The following COMT variants were observed in gnomAD, a reference collection of about 807,000 sequenced individuals.
COMT encodes the protein catechol-O-methyltransferase.
COMT carries 13 observed loss-of-function variants against 18.9 expected under a neutral mutation model. The ratio of observed to expected loss-of-function variants is 0.69; its 90% CI spans 0.45 to 1.09. The LOEUF is 1.09. Among genes scored for constraint, COMT ranks in the 50% least tolerant of loss-of-function variants. The pLI, the probability that COMT is intolerant of heterozygous loss-of-function variation, is 0.00. For missense variants in COMT, 329 were observed against 361.8 expected (o/e 0.91, Z 0.73); for synonymous variants, 150 against 160.9 (o/e 0.93, Z 0.51).
intron 1 of COMT, among the ~76,000 whole-genome samples, chr22:19,960,014 GCTTCGGGC>G (rs1301111706): frequency 1.3e-5 from 2 of 152,246 alleles, no homozygotes; most frequent in Non-Finnish European, 2.9e-5. Context: ...AAGGAAGGGG[GCTTCGGGC>G]CCCTCCCTGC....
At chr22:19,949,069 C>A (rs971458013) in intron 1 of COMT, among the ~76,000 whole-genome samples, 2 of 151,596 alleles carry the variant, frequency 1.3e-5, no homozygotes, top group African/African-American at 2.4e-5. Flanking sequence ...TTCTTTTCTG[C>A]AGACTTTCTT....
chr22:19,955,762 A>G (rs1942043693), intron 1 of COMT, among the ~76,000 whole-genome samples: 1 of 152,236 alleles, frequency 6.6e-6, no homozygotes, highest in Non-Finnish European at 1.5e-5. Flanking sequence ...TGCTGTTAGC[A>G]TTGGTTCTGT....
chr22:19,969,134 C>A lies in COMT; in HGVS notation c.*398C>A, dbSNP rs1942601862. The A allele has an allele frequency of 9.9e-6, 2 of 202,552 alleles. No homozygotes were observed. The highest frequency in any genetic ancestry group is 2.0e-5 in the Non-Finnish European group (2 of 97,888). 12.5% of individuals were successfully genotyped at this position (202,552 alleles called of 1,614,324 possible). A position where few individuals can be genotyped will look rare whatever the true frequency, so the allele number is the denominator to read the frequency against. Reference sequence around the variant, plus strand: ...ACGGACGCTAACGCTAAGGGCGGGGCCCCTAGCTGGCTGGGTTCTGGGTGG... The same window carrying A: ...ACGGACGCTAACGCTAAGGGCGGGGACCCTAGCTGGCTGGGTTCTGGGTGG... On this transcript the variant is annotated 3_prime_UTR_variant, in exon 6 of 6. Transcript: ENST00000361682.
chr22:19,942,906 G>A (rs1477898279), intron 1 of COMT, among the ~76,000 whole-genome samples: 1 of 152,186 alleles, frequency 6.6e-6, no homozygotes, highest in Non-Finnish European at 1.5e-5. Context: ...TTTGCCACTG[G>A]GGCTTACCGA....
chr22:19,942,284 G>A (rs1445636113), intron 1 of COMT, among the ~76,000 whole-genome samples: 3 of 152,174 alleles, frequency 2.0e-5, no homozygotes. Context: ...ACAGGGGAGG[G>A]TCCCACTTGG....
chr22:19,954,042 C>A (rs557122575), intron 1 of COMT, among the ~76,000 whole-genome samples: 35 of 152,284 alleles, frequency 2.3e-4, no homozygotes, highest in Admixed American at 6.5e-4. Flanking sequence ...CAGCTGGCCC[C>A]CTGGGGCTGT....
chr22:19,947,791 C>T, intron 1 of COMT, among the ~76,000 whole-genome samples: 1 of 152,130 alleles, frequency 6.6e-6, no homozygotes, highest in East Asian at 1.9e-4. Flanking sequence ...TCTCTAACTC[C>T]CACAGGGAAA....
At chr22:19,963,067 C>G (rs1223097400) in intron 3 of COMT, among the ~76,000 whole-genome samples, 3 of 152,112 alleles carry the variant, frequency 2.0e-5, no homozygotes, top group Non-Finnish European at 4.4e-5. Context: ...TGGTGCAGTT[C>G]CCCTTGAACT....
intron 1 of COMT, among the ~76,000 whole-genome samples, chr22:19,948,655 G>A (rs1941878455): frequency 6.6e-6 from 1 of 152,062 alleles, no homozygotes; most frequent in Admixed American, 6.6e-5. Context: ...GTGAGACTCT[G>A]TCACTAAAAA....
chr22:19,958,575 T>TAA (rs361574), intron 1 of COMT, among the ~76,000 whole-genome samples: 25,846 of 121,386 alleles, frequency 0.21, 3,359 homozygotes, highest in Middle Eastern at 0.34. Context: ...TTATTTTCCT[T>TAA]AAAAAAAAAA....
chr22:19,951,276 A>G (rs189167881), intron 1 of COMT, among the ~76,000 whole-genome samples: 219 of 148,352 alleles, frequency 1.5e-3, no homozygotes, highest in African/African-American at 3.0e-3. Context: ...GGAGAATGGC[A>G]TGAACCCGGG....
chr22:19,957,857 G>A (rs961933823), intron 1 of COMT, among the ~76,000 whole-genome samples: 7 of 152,244 alleles, frequency 4.6e-5, no homozygotes, highest in African/African-American at 1.4e-4. Flanking sequence ...TTGATGAACC[G>A]TGAATTCATC....
intron 1 of COMT, among the ~76,000 whole-genome samples, chr22:19,942,535 A>G (rs1298698630): frequency 6.6e-6 from 1 of 152,122 alleles, no homozygotes; most frequent in African/African-American, 2.4e-5. Context: ...TGTTAGAGAA[A>G]GGGGAAGTCA....
intron 1 of COMT, chr22:19,951,367 A>AAG (rs1320109104): frequency 3.3e-5 from 5 of 151,154 alleles, no homozygotes; most frequent in Admixed American, 2.6e-4. Context: ...CCAAAAAAAA[A>AAG]AAAAAAAAAA....
In COMT at chr22:19,968,868, C is replaced by A; in HGVS notation, c.*132C>A. 2 of 792,546 alleles carry A rather than the reference C, an allele frequency of 2.5e-6. No homozygotes were observed. The highest frequency in any genetic ancestry group is 4.2e-6 in the Non-Finnish European group (2 of 476,102). The allele number at this position is 792,546 out of a possible 1,614,324, so 49.1% of individuals were successfully genotyped here. A position where few individuals can be genotyped will look rare whatever the true frequency, so the allele number is the denominator to read the frequency against. ...AAGCACACCTCGGCCGAGGCCTGCG[C>A]CCTGACATGCTAACCTCTCTGAACT... is the stretch of plus-strand genomic sequence containing the variant. On this transcript the variant is annotated 3_prime_UTR_variant, in exon 6 of 6. Coordinates refer to ENST00000361682, the MANE Select transcript of COMT (RefSeq NM_000754.4).
chr22:19,953,820 C>T (rs78091679), intron 1 of COMT, among the ~76,000 whole-genome samples: 4 of 152,100 alleles, frequency 2.6e-5, no homozygotes, highest in Admixed American at 1.3e-4. Flanking sequence ...TGCTGGGAGC[C>T]GGGACACTGA....
At chr22:19,966,861 T>C (rs913486372) in intron 5 of COMT, 4 of 849,394 alleles carry the variant, frequency 4.7e-6, no homozygotes, top group Middle Eastern at 6.0e-4. Flanking sequence ...GGGAGGAGAG[T>C]CTAAGGAGGG....
intron 1 of COMT, among the ~76,000 whole-genome samples, chr22:19,960,239 T>C (rs1942163615): frequency 6.6e-6 from 1 of 152,270 alleles, no homozygotes; most frequent in Non-Finnish European, 1.5e-5. Context: ...ATTTGGGGTA[T>C]ATATTTCTAA....
At chr22:19,955,462 C>A (rs9332348) in intron 1 of COMT, among the ~76,000 whole-genome samples, 1 of 152,240 alleles carries the variant, frequency 6.6e-6, no homozygotes, top group African/African-American at 2.4e-5. Flanking sequence ...TTTATCACAC[C>A]GGATCAGCCC....
Sources: allele counts gnomAD v4.1 joint callset (sites outside exome capture counted in the v4.1 genomes callset), GRCh38; gene constraint gnomAD v4.1.1; transcripts MANE v1.5; gene names NCBI Gene and HGNC (gene_info 2026-07-23, HGNC 2026-07-21).